The following ARHGEF6 variants were observed in gnomAD, a reference collection of about 807,000 sequenced individuals.
ARHGEF6 encodes the protein Rac/Cdc42 guanine nucleotide exchange factor 6, also known as rho guanine nucleotide exchange factor 6.
A neutral mutation model predicts 70.3 loss-of-function variants in ARHGEF6; 9 were observed. That is an observed-to-expected ratio of 0.13 (90% CI 0.08 to 0.22). ARHGEF6 has a LOEUF of 0.22. Ranked by LOEUF, ARHGEF6 falls within the 10% of genes least tolerant of loss-of-function variation. The pLI, the probability that ARHGEF6 is intolerant of heterozygous loss-of-function variation, is 1.00. For synonymous variants in ARHGEF6, 201 were observed against 207.8 expected (o/e 0.97, Z 0.28); for missense variants, 470 against 563.0 (o/e 0.83, Z 1.67).
At chrX:136,749,001 T>C (rs766146328) in intron 2 of ARHGEF6, among the ~76,000 whole-genome samples, 2 of 112,203 alleles carry the variant, frequency 1.8e-5, no homozygotes, top group African/African-American at 6.5e-5. Flanking sequence ...ATTTAATCAA[T>C]GAATATTTTG....
At chrX:136,684,694 C>T (rs2076366528) in intron 12 of ARHGEF6, among the ~76,000 whole-genome samples, 1 of 111,303 alleles carries the variant, frequency 9.0e-6, no homozygotes, top group South Asian at 3.9e-4. Flanking sequence ...GGGACATCTC[C>T]ACCCAGATAT....
intron 2 of ARHGEF6, among the ~76,000 whole-genome samples, chrX:136,753,286 C>T (rs73633850): frequency 0.038 from 4,287 of 112,150 alleles, 231 homozygotes; most frequent in African/African-American, 0.13. Context: ...GCTGAAACAA[C>T]ATACAGTGTA....
chrX:136,726,786 A>C (rs1195925925), intron 6 of ARHGEF6, among the ~76,000 whole-genome samples: 1 of 112,548 alleles, frequency 8.9e-6, no homozygotes, highest in Non-Finnish European at 1.9e-5. Flanking sequence ...GGATGGGGGG[A>C]AATACCACCT....
chrX:136,687,757 G>C (rs1040629881), intron 11 of ARHGEF6, among the ~76,000 whole-genome samples, 175 bp downstream of exon 11: 13 of 112,041 alleles, frequency 1.2e-4, no homozygotes, highest in African/African-American at 4.2e-4. Flanking sequence ...CCTTTCTTTA[G>C]GTAAGCATGA....
intron 5 of ARHGEF6, among the ~76,000 whole-genome samples, chrX:136,740,677 C>T (rs2077033136): frequency 9.0e-6 from 1 of 111,193 alleles, no homozygotes; most frequent in South Asian, 3.8e-4. Flanking sequence ...AAGGGAGTGG[C>T]CAGACTGCTA....
At position 136,706,970 on chromosome X, in the gene ARHGEF6, T is replaced by A; in HGVS notation, c.984A>T (p.Lys328Asn). 1 of 1,211,321 alleles carries A rather than the reference T, an allele frequency of 8.3e-7. No homozygotes were observed. Among genetic ancestry groups the A allele is most frequent in the South Asian group, 1.8e-5 (1 of 56,997 alleles). Residue 328 changes from lysine (K) to asparagine (N), a missense_variant, in exon 9 of 22, where the codon AAA becomes AAT. By Grantham distance (94) the Lys-to-Asn change is moderately conservative. Around this residue, in one of 3 missense-constraint regions of ARHGEF6, gnomAD observed 379 missense variants for 449.3 expected, o/e 0.84. Transcript: ENST00000250617. ...TTGCACAGTAAGCCAGATACATAGA[T>A]TTAAAATGAGGCATGAGACTCAGTA... ...GCLLSLMPHFKSMYLAYCANH... is the reference protein window; with the variant it reads ...GCLLSLMPHFNSMYLAYCANH...
At chrX:136,763,686 G>A (rs1447852412) in intron 2 of ARHGEF6, among the ~76,000 whole-genome samples, 2 of 111,273 alleles carry the variant, frequency 1.8e-5, no homozygotes, top group African/African-American at 3.3e-5. Context: ...TTAGCCGGGC[G>A]TGGTGGTATG....
intron 9 of ARHGEF6, among the ~76,000 whole-genome samples, chrX:136,705,265 C>G (rs1358443308): frequency 9.4e-6 from 1 of 106,489 alleles, no homozygotes; most frequent in Non-Finnish European, 1.9e-5. Flanking sequence ...TGTGCTCCAG[C>G]CTCGGTGACA....
chrX:136,679,149 C>T (rs1283299791), intron 16 of ARHGEF6, among the ~76,000 whole-genome samples: 1 of 112,170 alleles, frequency 8.9e-6, no homozygotes, highest in African/African-American at 3.2e-5. Context: ...TCAAATTGAT[C>T]AAAATGATCC....
chrX:136,761,649 C>T (rs189438465), intron 2 of ARHGEF6, among the ~76,000 whole-genome samples: 73 of 112,139 alleles, frequency 6.5e-4, no homozygotes, highest in African/African-American at 2.3e-3. Context: ...TCATCTAAGA[C>T]GCCCAGAAAT....
chrX:136,727,383 TTCTTTC>T (rs1569410978), intron 6 of ARHGEF6, among the ~76,000 whole-genome samples: 2 of 67,465 alleles, frequency 3.0e-5, no homozygotes, highest in Non-Finnish European at 5.5e-5. Flanking sequence ...CTTTCTTTCT[TTCTTTC>T]TTTCTTTCTC....
chrX:136,673,438 C>T (rs1051424150), intron 19 of ARHGEF6, among the ~76,000 whole-genome samples: 1 of 112,109 alleles, frequency 8.9e-6, no homozygotes, highest in Non-Finnish European at 1.9e-5. Flanking sequence ...TGCTGTGTGA[C>T]AAGCACAGTG....
At chrX:136,771,957 C>T (rs766029234) in intron 2 of ARHGEF6, among the ~76,000 whole-genome samples, 2 of 112,189 alleles carry the variant, frequency 1.8e-5, no homozygotes, top group Non-Finnish European at 3.8e-5. Context: ...AACGGCGCTC[C>T]TATGTTTGTT....
chrX:136,717,963 G>A (rs2076754137), intron 6 of ARHGEF6, among the ~76,000 whole-genome samples: 1 of 111,307 alleles, frequency 9.0e-6, no homozygotes. Flanking sequence ...ACAACGAAAA[G>A]GGCAACAAAT....
intron 5 of ARHGEF6, among the ~76,000 whole-genome samples, chrX:136,741,856 C>A (rs2077046008): frequency 8.9e-6 from 1 of 111,811 alleles, no homozygotes; most frequent in East Asian, 2.8e-4. Context: ...AGTGTCTCAT[C>A]CAGTACCTGC....
intron 9 of ARHGEF6, among the ~76,000 whole-genome samples, chrX:136,706,224 A>G (rs1422611852): frequency 8.9e-6 from 1 of 111,948 alleles, no homozygotes; most frequent in Middle Eastern, 4.6e-3. Context: ...CCTTGCAAGG[A>G]CTCGTATTCT....
chrX:136,668,959 T>G (rs1378648628), intron 21 of ARHGEF6, among the ~76,000 whole-genome samples: 2 of 111,472 alleles, frequency 1.8e-5, no homozygotes, highest in Non-Finnish European at 3.8e-5. Flanking sequence ...CCAGCCTCAT[T>G]ACCCTGCCTC....
At chrX:136,721,012 A>C (rs1299942827) in intron 6 of ARHGEF6, among the ~76,000 whole-genome samples, 2 of 112,161 alleles carry the variant, frequency 1.8e-5, no homozygotes, top group African/African-American at 6.5e-5. Context: ...AAATGGGGAG[A>C]TATCCTATAT....
At chrX:136,722,882 A>T (rs1249230314) in intron 6 of ARHGEF6, among the ~76,000 whole-genome samples, 1 of 112,589 alleles carries the variant, frequency 8.9e-6, no homozygotes, top group African/African-American at 3.2e-5. Context: ...ATAACCAAAA[A>T]GTGGCAGCAA....
Sources: allele counts gnomAD v4.1 joint callset (sites outside exome capture counted in the v4.1 genomes callset), GRCh38; gene constraint gnomAD v4.1.1; regional missense constraint gnomAD v4.1.1; transcripts MANE v1.5; gene names NCBI Gene and HGNC (gene_info 2026-07-23, HGNC 2026-07-21).